The following NTN4 variants were observed in gnomAD, a reference collection of about 807,000 sequenced individuals.
The protein encoded by NTN4 is netrin-4.
In NTN4, 32 loss-of-function variants were observed where a neutral mutation model predicts 73.6. The observed-to-expected ratio is 0.44, with a 90% CI of 0.33 to 0.58. The LOEUF (loss-of-function observed/expected upper bound fraction) is 0.58, where lower values mean the gene tolerates loss of function less well. NTN4 is among the 20% of genes least tolerant of loss of function. The pLI is 0.04. For synonymous variants in NTN4, 258 were observed against 287.5 expected, an observed-to-expected ratio of 0.90 and a Z score of 1.04; for missense variants, 654 against 798.3, an observed-to-expected ratio of 0.82 and a Z score of 2.18.
intron 7 of NTN4, chr12:95,672,729 T>G: frequency 7.1e-7 from 1 of 1,410,056 alleles, no homozygotes; most frequent in Non-Finnish European, 1.0e-6. Flanking sequence ...ATCGTAGGTA[T>G]GCAGACCTCA....
intron 7 of NTN4, 52 bp downstream of exon 7, chr12:95,682,655 T>C: frequency 8.0e-7 from 1 of 1,255,598 alleles, no homozygotes; most frequent in Non-Finnish European, 1.2e-6. Context: ...CACGTATCAC[T>C]GTTACATAAG....
At chr12:95,754,385 CA>C (rs2078932662) in intron 2 of NTN4, among the ~76,000 whole-genome samples, 2 of 152,092 alleles carry the variant, frequency 1.3e-5, no homozygotes, top group Non-Finnish European at 2.9e-5. Flanking sequence ...ATACCACCCC[CA>C]AAAATTTTCG....
chr12:95,787,182 T>C lies in NTN4; in HGVS notation c.342A>G (p.Arg114=), dbSNP rs755438551. ...TWWQSAEDVH[R]EKIQLDLEAE... ...CTTCCAGGTCTAACTGGATCTTTTC[T>C]CTGTGCACATCCTCCGCAGACTGCC... Residue 114 remains arginine, a synonymous_variant, in exon 2 of 10, where the codon AGA becomes AGG. Transcript: ENST00000343702. The C allele has an allele frequency of 1.9e-6, 3 of 1,614,234 alleles. No individual in the cohort carries two copies.
chr12:95,740,715 A>T (rs1455266972), intron 2 of NTN4, among the ~76,000 whole-genome samples: 1 of 152,210 alleles, frequency 6.6e-6, no homozygotes, highest in Non-Finnish European at 1.5e-5. Context: ...ACTTGATAAT[A>T]TCTTTCTACT....
chr12:95,739,301 TA>T (rs2078805378), intron 2 of NTN4, among the ~76,000 whole-genome samples: 2 of 152,280 alleles, frequency 1.3e-5, no homozygotes, highest in South Asian at 4.1e-4. Flanking sequence ...TAATAAGAAA[TA>T]ACGGATTAAC....
At chr12:95,672,909 A>G (rs1371533262) in intron 7 of NTN4, 3 of 1,231,964 alleles carry the variant, frequency 2.4e-6, no homozygotes, top group Non-Finnish European at 1.2e-6. Flanking sequence ...GTCTCTCTGA[A>G]GAGGCTATCA....
intron 2 of NTN4, among the ~76,000 whole-genome samples, chr12:95,772,474 T>C (rs2079064588): frequency 1.3e-5 from 2 of 152,234 alleles, no homozygotes; most frequent in African/African-American, 4.8e-5. Context: ...TCCAGCTTCA[T>C]AGCTTAAAAT....
At chr12:95,751,241 C>T (rs2078904852) in intron 2 of NTN4, among the ~76,000 whole-genome samples, 1 of 151,842 alleles carries the variant, frequency 6.6e-6, no homozygotes, top group African/African-American at 2.4e-5. Context: ...AAAAAAGTTG[C>T]AATTCCTTGC....
intron 5 of NTN4, among the ~76,000 whole-genome samples, chr12:95,699,231 T>C (rs554456117): frequency 4.6e-5 from 7 of 152,266 alleles, no homozygotes; most frequent in Middle Eastern, 3.4e-3. Context: ...ACCTACAATT[T>C]GAAAGAAAAA....
intron 5 of NTN4, among the ~76,000 whole-genome samples, chr12:95,695,601 G>C (rs1310458095): frequency 1.3e-5 from 2 of 152,152 alleles, no homozygotes; most frequent in African/African-American, 4.8e-5. Flanking sequence ...CTGACCGCAA[G>C]TGATCTGCCC....
At chr12:95,719,527 G>C (rs1229880151) in intron 3 of NTN4, among the ~76,000 whole-genome samples, 1 of 151,976 alleles carries the variant, frequency 6.6e-6, no homozygotes, top group Non-Finnish European at 1.5e-5. Flanking sequence ...TTAGAGAAAA[G>C]GATTAAACTT....
intron 2 of NTN4, among the ~76,000 whole-genome samples, chr12:95,761,713 C>G (rs939224910): frequency 6.6e-6 from 1 of 152,146 alleles, no homozygotes; most frequent in Non-Finnish European, 1.5e-5. Context: ...CCTACAAAAC[C>G]TGGTCACACT....
At chr12:95,713,099 G>T (rs879114679) in intron 4 of NTN4, 113 bp downstream of exon 4, 1 of 1,289,620 alleles carries the variant, frequency 7.8e-7, no homozygotes, top group Non-Finnish European at 1.1e-6. Context: ...TTTGTGTAGG[G>T]TCTAGTGTTT....
rs745561884 is a variant in NTN4, at chr12:95,790,240, C to A, written c.55+15G>T. Reference sequence around the variant, plus strand: ...GCGAGGGAAGGGGTGGGGGCCCCGCCGCGTCACCACCCACCTGCGGCCACC... The same window carrying A: ...GCGAGGGAAGGGGTGGGGGCCCCGCAGCGTCACCACCCACCTGCGGCCACC... On this transcript the variant is annotated intron_variant, in intron 1 of 9. Coordinates refer to ENST00000343702, the MANE Select transcript of NTN4 (RefSeq NM_021229.4). This position sits in a 1 kb window ranked among gnomAD's most constrained non-coding sequence, Gnocchi z 6.5. The A allele has an allele frequency of 2.6e-6, 4 of 1,530,098 alleles. No individual in the cohort carries two copies. In the African/African-American group the frequency reaches 5.7e-5, roughly 22 times the overall value. The allele number at this position is 1,530,098 out of a possible 1,614,324, so 94.8% of individuals were successfully genotyped here.
rs7971224 is a variant in NTN4, at chr12:95,787,107, C to T, written c.417G>A (p.Pro139=). Residue 139 remains proline, a synonymous_variant, in exon 2 of 10, where the codon CCG becomes CCA. Coordinates refer to ENST00000343702, the MANE Select transcript of NTN4 (RefSeq NM_021229.4). ...GGGAGCGGTCCAGCACCATGGCAGC[C>T]GGCCTGGGGGACTTGAACATCACAA... ...HLIVMFKSPR[P]AAMVLDRSQD... The T allele has an allele frequency of 3.3e-3, 5,311 of 1,614,148 alleles. 91 individuals are homozygous for T. The African/African-American group carries it at 0.048, about 15-fold the overall frequency.
At chr12:95,698,307 C>T (rs2078457272) in intron 5 of NTN4, among the ~76,000 whole-genome samples, 1 of 152,224 alleles carries the variant, frequency 6.6e-6, no homozygotes, top group African/African-American at 2.4e-5. Flanking sequence ...TGGTCCATGA[C>T]AGCCATTCAC....
Position 95,681,622 on chromosome 12 carries a change from G to A in NTN4, c.1510+1085C>T, listed in dbSNP as rs545652280. Among the ~76,000 whole-genome samples the A allele has an allele frequency of 8.3e-4, 126 of 152,320 alleles. 4 individuals are homozygous for A. In the South Asian group the frequency reaches 0.025, roughly 30 times the overall value. ...GTGTTAAGGAGCAAGTTAGTGCTAA[G>A]TATAATCACTTGCTTTTCTACAAGA... On this transcript the variant is annotated intron_variant, in intron 7 of 9. Transcript: ENST00000343702.
At chr12:95,790,930 G>A (rs1359915642), upstream of NTN4, among the ~76,000 whole-genome samples, 3 of 145,310 alleles carry the variant, frequency 2.1e-5, no homozygotes, top group African/African-American at 7.4e-5. This position sits in a 1 kb window ranked among gnomAD's most constrained non-coding sequence, Gnocchi z 6.5. Context: ...CTGCCGCCCG[G>A]GGGGGGGGTC....
chr12:95,720,052 T>G (rs905390991), intron 3 of NTN4, among the ~76,000 whole-genome samples: 7 of 152,216 alleles, frequency 4.6e-5, no homozygotes, highest in Admixed American at 2.0e-4. Context: ...TACTTAAGGC[T>G]TCATTTCCCC....
Sources: allele counts gnomAD v4.1 joint callset (sites outside exome capture counted in the v4.1 genomes callset), GRCh38; gene constraint gnomAD v4.1.1; non-coding constraint Gnocchi (gnomAD v3.1); transcripts MANE v1.5; gene names NCBI Gene and HGNC (gene_info 2026-07-23, HGNC 2026-07-21).